The following FAAH2 variants were observed in gnomAD, a reference collection of about 807,000 sequenced individuals.
FAAH2 encodes fatty acid amide hydrolase 2.
Under a neutral mutation model 36.9 loss-of-function variants are expected in FAAH2, and 60 were observed. The ratio of observed to expected loss-of-function variants is 1.63; its 90% CI spans 1.32 to 2.02. The LOEUF is 2.02. Ranked by LOEUF, FAAH2 falls within the 30% of genes most tolerant of loss-of-function variation. The probability of loss-of-function intolerance (pLI) is 0.00; values close to 1 mark genes in which losing one functional copy is unlikely to be tolerated. For missense variants in FAAH2, 689 were observed against 397.5 expected (o/e 1.73, Z -6.23); for synonymous variants, 214 against 143.8 (o/e 1.49, Z -3.49).
the FAAH2 span, among the ~76,000 whole-genome samples, chrX:57,148,724 C>A: frequency 2.7e-5 from 3 of 111,512 alleles, no homozygotes; most frequent in Non-Finnish European, 5.7e-5. Flanking sequence ...AATTTGACTT[C>A]CTCTTTTCCT....
At chrX:57,131,831 GA>G in the FAAH2 span, among the ~76,000 whole-genome samples, 8 of 110,240 alleles carry the variant, frequency 7.3e-5, no homozygotes, top group African/African-American at 1.3e-4. Context: ...TCTCTGAGAG[GA>G]AAAAAAAACT....
chrX:57,177,577 AATATAT>A, the FAAH2 span, among the ~76,000 whole-genome samples: 720 of 34,767 alleles, frequency 0.021, 14 homozygotes, highest in East Asian at 0.036. Flanking sequence ...TCAAAATTTA[AATATAT>A]ATATATATAT....
the FAAH2 span, among the ~76,000 whole-genome samples, chrX:57,181,910 T>G: frequency 1.8e-5 from 2 of 111,284 alleles, no homozygotes; most frequent in African/African-American, 6.5e-5. Context: ...ATAGATAGCT[T>G]AGAAGTAACA....
chrX:57,191,614 A>T, the FAAH2 span, among the ~76,000 whole-genome samples: 1 of 111,809 alleles, frequency 8.9e-6, no homozygotes, highest in Non-Finnish European at 1.9e-5. Context: ...GTAGTTTTAT[A>T]GTTTGAGGTC....
intron 3 of FAAH2, among the ~76,000 whole-genome samples, chrX:57,330,902 A>G (rs1178704201): frequency 1.8e-5 from 2 of 110,338 alleles, no homozygotes; most frequent in African/African-American, 6.6e-5. Flanking sequence ...CAGGTCAGGA[A>G]TTGTGATGCA....
chrX:57,483,563 G>A (rs2057418387), intron 10 of FAAH2, among the ~76,000 whole-genome samples: 1 of 110,283 alleles, frequency 9.1e-6, no homozygotes. Flanking sequence ...TTTGACTCTT[G>A]TTGATATCAC....
chrX:57,307,082 C>A (rs747945817), intron 2 of FAAH2, among the ~76,000 whole-genome samples: 1 of 88,796 alleles, frequency 1.1e-5, no homozygotes, highest in Admixed American at 1.4e-4. Flanking sequence ...AGGGTTTTTA[C>A]CCCTATCGTT....
chrX:57,160,494 A>G, the FAAH2 span, among the ~76,000 whole-genome samples: 14 of 111,790 alleles, frequency 1.3e-4, no homozygotes, highest in Admixed American at 4.7e-4. Flanking sequence ...TTTGTAAGCT[A>G]TTAATTATTG....
chrX:57,224,336 A>G, the FAAH2 span, among the ~76,000 whole-genome samples: 1 of 111,516 alleles, frequency 9.0e-6, no homozygotes, highest in Admixed American at 9.5e-5. Context: ...TACCCCCAAA[A>G]TTAAGATTTT....
In FAAH2 at chrX:57,473,191, C is replaced by CT. The variant is rs749522933; in HGVS notation, c.1424-15560dup. Among the ~76,000 whole-genome samples, 13 of 111,145 alleles carry CT rather than the reference C, an allele frequency of 1.2e-4. No homozygotes were observed. The South Asian group carries it at 1.5e-3, about 13-fold the overall frequency. ...AATGCTATAAACTTTCGTTTTAGCA[C>CT]TTTTTTGCTGTGTTTTAGATGTTTT... On this transcript the variant is annotated intron_variant, in intron 10 of 10. Transcript: ENST00000374900.
chrX:57,123,226 C>A, the FAAH2 span, among the ~76,000 whole-genome samples: 1 of 111,225 alleles, frequency 9.0e-6, no homozygotes, highest in Non-Finnish European at 1.9e-5. Context: ...TTGTTCAATT[C>A]CCACCTATGA....
Position 57,488,789 on chromosome X carries a change from C to T in FAAH2, c.1456C>T (p.Gln486Ter), listed in dbSNP as rs1177430428. The T allele has an allele frequency of 5.8e-6, 7 of 1,210,735 alleles. No homozygotes were observed. Among genetic ancestry groups the T allele is most frequent in the Non-Finnish European group, 7.8e-6 (7 of 895,187 alleles). ...VFSALGLPVT[Q>*]CPLGLNAKGL... ...CAGTGCCCTGGGTTTGCCTGTGACC[C>T]AATGCCCACTGGGACTGAATGCCAA... The change falls in exon 11 of 11, where the codon CAA becomes TAA. Residue 486 changes from glutamine (Q) to a stop codon, truncating the protein, a stop_gained. Coordinates refer to ENST00000374900, the MANE Select transcript of FAAH2 (RefSeq NM_174912.4). LOFTEE classifies it high-confidence loss of function.
At chrX:57,324,189 C>T (rs2053134158) in intron 3 of FAAH2, among the ~76,000 whole-genome samples, 1 of 111,401 alleles carries the variant, frequency 9.0e-6, no homozygotes, top group Non-Finnish European at 1.9e-5. Flanking sequence ...TGTTCTGTTC[C>T]ATTGGTCTAT....
chrX:57,385,905 T>TAAA (rs34589565), intron 7 of FAAH2, among the ~76,000 whole-genome samples: 51 of 95,828 alleles, frequency 5.3e-4, no homozygotes, highest in African/African-American at 1.7e-3. Context: ...GAGACTCCGT[T>TAAA]AAAAAAAAAA....
At chrX:57,332,679 A>AG (rs1358535823) in intron 4 of FAAH2, among the ~76,000 whole-genome samples, 1 of 111,195 alleles carries the variant, frequency 9.0e-6, no homozygotes, top group Non-Finnish European at 1.9e-5. Flanking sequence ...GGGGGATCTT[A>AG]GGGGCCCCAC....
At chrX:57,181,720 A>G in the FAAH2 span, among the ~76,000 whole-genome samples, 1 of 112,066 alleles carries the variant, frequency 8.9e-6, no homozygotes, top group Admixed American at 9.5e-5. Context: ...CAGAACTAGA[A>G]AAAACTATTT....
chrX:57,214,978 G>A, the FAAH2 span, among the ~76,000 whole-genome samples: 43 of 110,005 alleles, frequency 3.9e-4, no homozygotes, highest in Non-Finnish European at 7.2e-4. Context: ...TTAAACTAAA[G>A]AGCTTCTGTA....
chrX:57,339,916 T>A (rs1234798304), intron 4 of FAAH2, among the ~76,000 whole-genome samples: 6 of 111,635 alleles, frequency 5.4e-5, no homozygotes, highest in Non-Finnish European at 9.4e-5. Flanking sequence ...GTCAGGGTTC[T>A]CTAGAGGGAC....
At chrX:57,378,138 G>A (rs2054735253) in intron 5 of FAAH2, among the ~76,000 whole-genome samples, 1 of 112,078 alleles carries the variant, frequency 8.9e-6, no homozygotes, top group African/African-American at 3.2e-5. Context: ...ATTATAAGCA[G>A]AGGAAATGGC....
Sources: allele counts gnomAD v4.1 joint callset (sites outside exome capture counted in the v4.1 genomes callset), GRCh38; gene constraint gnomAD v4.1.1; transcripts MANE v1.5; gene names NCBI Gene and HGNC (gene_info 2026-07-23, HGNC 2026-07-21).